Variants in MAPK10 observed in about 807,000 individuals in gnomAD.
MAPK10 encodes the protein JNK3 alpha protein kinase.
MAPK10 carries 25 observed loss-of-function variants against 59.3 expected under a neutral mutation model. That is an observed-to-expected ratio of 0.42 (90% confidence interval 0.31 to 0.59). The LOEUF (loss-of-function observed/expected upper bound fraction) is 0.59, where lower values mean the gene tolerates loss of function less well. Among genes scored for constraint, MAPK10 ranks in the 20% least tolerant of loss-of-function variants. MAPK10 has a pLI of 0.15. For missense variants in MAPK10, 351 were observed against 568.9 expected, an observed-to-expected ratio of 0.62 and a Z score of 3.90; for synonymous variants, 190 against 200.5, an observed-to-expected ratio of 0.95 and a Z score of 0.44.
At chr4:86,284,608 T>C (rs1472239135) in intron 2 of MAPK10, among the ~76,000 whole-genome samples, 1 of 152,234 alleles carries the variant, frequency 6.6e-6, no homozygotes, top group Non-Finnish European at 1.5e-5. Context: ...TTATTATGTT[T>C]ATTATAAACA....
intron 2 of MAPK10, among the ~76,000 whole-genome samples, chr4:86,226,324 G>A (rs1394445996): frequency 6.6e-6 from 1 of 152,182 alleles, no homozygotes; most frequent in Non-Finnish European, 1.5e-5. Context: ...ACTTTACCCG[G>A]TTTCAAGTGG....
chr4:86,365,431 C>A (rs1457471252), intron 1 of MAPK10, among the ~76,000 whole-genome samples: 17 of 32,448 alleles, frequency 5.2e-4, no homozygotes, highest in Admixed American at 1.2e-3. Flanking sequence ...GACTCTGTCT[C>A]AAAAAAAAAA....
At chr4:86,200,598 G>A (rs925596616) in intron 2 of MAPK10, among the ~76,000 whole-genome samples, 3 of 151,838 alleles carry the variant, frequency 2.0e-5, no homozygotes, top group African/African-American at 7.3e-5. Flanking sequence ...TAATAATGCT[G>A]CTATGATCAT....
intron 1 of MAPK10, among the ~76,000 whole-genome samples, chr4:86,434,830 A>G (rs939861187): frequency 6.6e-6 from 1 of 152,250 alleles, no homozygotes; most frequent in African/African-American, 2.4e-5. Flanking sequence ...TGTATTGAAG[A>G]GACATCTGTA....
At chr4:86,481,738 C>T (rs557626407) in intron 1 of MAPK10, among the ~76,000 whole-genome samples, 18 of 152,198 alleles carry the variant, frequency 1.2e-4, no homozygotes, top group Non-Finnish European at 1.5e-4. Flanking sequence ...GAAACAGGTG[C>T]CTAAGAATGT....
Position 86,204,539 on chromosome 4 carries a change from T to C in MAPK10, c.-6-10132A>G, listed in dbSNP as rs1327433448. 3.3e-5 allele frequency among the ~76,000 whole-genome samples: 5 copies of C among 152,038 alleles called. No homozygotes were observed. The East Asian group carries it at 5.8e-4, about 18-fold the overall frequency. ...CCAATACTATAATGATCCAGTAATATGGGAAGCATAGACATAGACAGCATA... is the reference window on the plus strand; with the variant it reads ...CCAATACTATAATGATCCAGTAATACGGGAAGCATAGACATAGACAGCATA... On this transcript the variant is annotated intron_variant, in intron 2 of 13. Coordinates refer to ENST00000641462, the MANE Select transcript of MAPK10 (RefSeq NM_138982.4).
At chr4:86,376,228 C>G (rs1263539925) in intron 1 of MAPK10, among the ~76,000 whole-genome samples, 1 of 152,128 alleles carries the variant, frequency 6.6e-6, no homozygotes, top group Non-Finnish European at 1.5e-5. Context: ...CTTTTCTTCT[C>G]CCCACTCAAA....
intron 11 of MAPK10, among the ~76,000 whole-genome samples, chr4:86,057,092 T>TA (rs1056363736): frequency 1.3e-5 from 2 of 149,130 alleles, no homozygotes; most frequent in African/African-American, 5.1e-5. Flanking sequence ...GCCTTCCCAG[T>TA]ACCTGGCACT....
intron 4 of MAPK10, among the ~76,000 whole-genome samples, chr4:86,131,769 G>A (rs1231957780): frequency 2.0e-5 from 3 of 152,038 alleles, no homozygotes; most frequent in Admixed American, 6.5e-5. Context: ...TTTACGAGAC[G>A]ATGCAAATAG....
chr4:86,039,291 C>T (rs571856270), intron 11 of MAPK10, among the ~76,000 whole-genome samples: 9 of 152,154 alleles, frequency 5.9e-5, no homozygotes, highest in African/African-American at 1.7e-4. Context: ...AGAGGAAGGA[C>T]AGTTTCACAT....
chr4:86,517,886 C>A (rs893954303), intron 1 of MAPK10, among the ~76,000 whole-genome samples: 8 of 152,178 alleles, frequency 5.3e-5, no homozygotes, highest in African/African-American at 1.7e-4. Context: ...TGACAGAATT[C>A]AGCTGTGAAT....
intron 1 of MAPK10, among the ~76,000 whole-genome samples, chr4:86,401,341 G>GA (rs1743698098): frequency 6.6e-6 from 1 of 152,116 alleles, no homozygotes; most frequent in African/African-American, 2.4e-5. Flanking sequence ...ATAATGGTTT[G>GA]AACCTCATTA....
chr4:86,336,991 A>G (rs753104390), intron 2 of MAPK10, among the ~76,000 whole-genome samples: 1 of 151,716 alleles, frequency 6.6e-6, no homozygotes, highest in Non-Finnish European at 1.5e-5. Flanking sequence ...GGGTTTCACC[A>G]TGTTAGCCAG....
chr4:86,458,803 A>T lies in MAPK10; in HGVS notation c.-262-104159T>A, dbSNP rs554611964. 1.1e-4 allele frequency among the ~76,000 whole-genome samples: 17 copies of T among 152,374 alleles called. No individual in the cohort carries two copies. In the South Asian group the frequency reaches 3.5e-3, roughly 32 times the overall value. On this transcript the variant is annotated intron_variant, in intron 1 of 4. Coordinates refer to the MAPK10 transcript ENST00000502302. ...CAAGGACTTAAATCCAAGACCTGAA[A>T]CTAGAAATTCTAGAAGATGGCTTTG...
intron 9 of MAPK10, chr4:86,089,349 C>T: frequency 1.0e-6 from 1 of 990,342 alleles, no homozygotes. Context: ...AAACACTGGG[C>T]TACTCATGCC....
intron 1 of MAPK10, among the ~76,000 whole-genome samples, chr4:86,477,567 A>T (rs1026063364): frequency 1.3e-5 from 2 of 152,038 alleles, no homozygotes; most frequent in Non-Finnish European, 2.9e-5. Context: ...ACCCTGCTCA[A>T]CGCCAATATC....
intron 1 of MAPK10, among the ~76,000 whole-genome samples, chr4:86,575,284 T>C (rs1001488271): frequency 2.3e-4 from 35 of 152,186 alleles, no homozygotes; most frequent in African/African-American, 8.0e-4. Context: ...GTGGGTCTTT[T>C]CAGCCTCCAT....
chr4:86,538,515 C>G (rs564105307), intron 1 of MAPK10, among the ~76,000 whole-genome samples: 1 of 152,168 alleles, frequency 6.6e-6, no homozygotes, highest in Admixed American at 6.5e-5. Flanking sequence ...TGCTCTTTTT[C>G]GTTAAGTGTA....
At chr4:86,129,042 G>A (rs944835692) in intron 4 of MAPK10, among the ~76,000 whole-genome samples, 4 of 152,040 alleles carry the variant, frequency 2.6e-5, no homozygotes, top group Non-Finnish European at 5.9e-5. Context: ...TCAACAAAGA[G>A]TTAAATAATA....
Sources: gnomAD v4.1 joint callset for allele counts (sites outside exome capture counted in the v4.1 genomes callset) on GRCh38, gnomAD v4.1.1 for gene constraint, MANE v1.5 for transcripts, NCBI Gene and HGNC (gene_info 2026-07-23, HGNC 2026-07-21) for gene names.